The following HELZ variants were observed in gnomAD, a reference collection of about 807,000 sequenced individuals.
The protein encoded by HELZ is ATP-dependent RNA helicase with zinc finger domain.
Under a neutral mutation model 218.2 loss-of-function variants are expected in HELZ, and 23 were observed. The observed-to-expected ratio is 0.11, with a 90% confidence interval of 0.08 to 0.15. The LOEUF (loss-of-function observed/expected upper bound fraction) is 0.15, where lower values mean the gene tolerates loss of function less well. HELZ is among the 10% of genes least tolerant of loss of function. The probability of loss-of-function intolerance (pLI) is 1.00; values close to 1 mark genes in which losing one functional copy is unlikely to be tolerated. For synonymous variants in HELZ, 814 were observed against 829.4 expected (o/e 0.98, Z 0.32); for missense variants, 1,813 against 2,353.7 (o/e 0.77, Z 4.75).
chr17:67,133,148 T>G (rs192336016), intron 23 of HELZ, among the ~76,000 whole-genome samples: 42 of 151,180 alleles, frequency 2.8e-4, no homozygotes, highest in African/African-American at 8.7e-4. Flanking sequence ...GAAATGTATG[T>G]TTTTTTTTCA....
intron 12 of HELZ, among the ~76,000 whole-genome samples, chr17:67,184,943 G>C (rs937382066): frequency 1.3e-5 from 2 of 151,736 alleles, no homozygotes; most frequent in African/African-American, 4.8e-5. Context: ...TAATATTTTC[G>C]AAACCATATG....
At chr17:67,152,935 G>C (rs1427542606) in intron 17 of HELZ, among the ~76,000 whole-genome samples, 1 of 152,074 alleles carries the variant, frequency 6.6e-6, no homozygotes, top group Non-Finnish European at 1.5e-5. Context: ...ATAGAAATAG[G>C]AGTAACTGTG....
At chr17:67,093,343 G>GAAATAAAGA (rs1160007165) in intron 31 of HELZ, among the ~76,000 whole-genome samples, 1 of 151,878 alleles carries the variant, frequency 6.6e-6, no homozygotes, top group African/African-American at 2.4e-5. Flanking sequence ...AGTATGACAG[G>GAAATAAAGA]AAATAAAGAT....
intron 23 of HELZ, among the ~76,000 whole-genome samples, chr17:67,131,199 T>A (rs2037972354): frequency 6.6e-6 from 1 of 152,202 alleles, no homozygotes. Context: ...CTAGCTCAAT[T>A]TTTAATATCA....
At position 67,166,608 on chromosome 17, in the gene HELZ, C is replaced by A; in HGVS notation, c.1765G>T (p.Val589Phe). 1 of 1,613,056 alleles carries A rather than the reference C, an allele frequency of 6.2e-7. No homozygotes were observed. Among genetic ancestry groups the A allele is most frequent in the Non-Finnish European group, 8.5e-7 (1 of 1,179,316 alleles). ...CGATTTAATTGAAACTGAAGTTCAA[C>A]CTGAAAGACAAAATGAATGTTTTAA... ...LNLRPDCDTQ[V>F]ELQFQLNRLP... is the part of the protein sequence containing the mutation. Residue 589 changes from valine to phenylalanine, a missense_variant and splice_region_variant, in exon 15 of 33, where the codon GTT becomes TTT. Coordinates refer to ENST00000358691, the MANE Select transcript of HELZ (RefSeq NM_014877.4).
At chr17:67,151,358 C>CCTG in intron 17 of HELZ, 134 bp from the exon 18 acceptor site, 2 of 697,766 alleles carry the variant, frequency 2.9e-6, no homozygotes, top group East Asian at 2.8e-5. Flanking sequence ...ACCGTTAGCA[C>CCTG]TCTATTGAAT....
chr17:67,193,435 AG>A (rs1268779317), intron 9 of HELZ, among the ~76,000 whole-genome samples: 2 of 152,030 alleles, frequency 1.3e-5, no homozygotes, highest in East Asian at 3.9e-4. Flanking sequence ...AAGACTACTG[AG>A]GCCAGGCACA....
chr17:67,124,629 A>T (rs1419200414), intron 24 of HELZ, among the ~76,000 whole-genome samples: 2 of 152,208 alleles, frequency 1.3e-5, no homozygotes, highest in Non-Finnish European at 2.9e-5. Flanking sequence ...TCAAAAATGT[A>T]CATACGTTAA....
chr17:67,209,427 G>A (rs965817159), intron 5 of HELZ, among the ~76,000 whole-genome samples: 6 of 151,932 alleles, frequency 3.9e-5, no homozygotes, highest in Admixed American at 6.6e-5. Context: ...GTGAAACCCC[G>A]TCACTACTAA....
intron 24 of HELZ, among the ~76,000 whole-genome samples, chr17:67,126,953 TG>T (rs1452307029): frequency 6.6e-6 from 1 of 152,238 alleles, no homozygotes; most frequent in Non-Finnish European, 1.5e-5. Context: ...GGGAGTCTTT[TG>T]TAAAAGCTCT....
chr17:67,104,440 A>G (rs1481483548), intron 31 of HELZ, among the ~76,000 whole-genome samples: 1 of 150,864 alleles, frequency 6.6e-6, no homozygotes, highest in Non-Finnish European at 1.5e-5. Context: ...CGCCATTTCA[A>G]AAAAAAAAAC....
At position 67,191,685 on chromosome 17, in the gene HELZ, C is replaced by CA. The variant is rs568262183; in HGVS notation, c.558-1331dup. On this transcript the variant is annotated intron_variant, in intron 9 of 32. Coordinates refer to ENST00000358691, the MANE Select transcript of HELZ (RefSeq NM_014877.4). ...CAGGCTGGTCTCGAACTCCTGACCTCAAGTGATCCACCTGCCTTGGCCTCC... is the reference window on the plus strand; with the variant it reads ...CAGGCTGGTCTCGAACTCCTGACCTCAAAGTGATCCACCTGCCTTGGCCTCC... Among the ~76,000 whole-genome samples, 63 of 149,902 alleles carry CA rather than the reference C, an allele frequency of 4.2e-4. 1 individual carries two copies. The East Asian group carries it at 0.011, about 26-fold the overall frequency.
Position 67,130,411 on chromosome 17 carries a change from T to A in HELZ, c.3183-1556A>T, listed in dbSNP as rs545165662. Among the ~76,000 whole-genome samples the A allele has an allele frequency of 1.6e-3, 249 of 152,112 alleles. 4 individuals carry two copies. The highest frequency in any genetic ancestry group is 6.8e-3 in the Middle Eastern group (2 of 294). ...AATAAGCAAATGGGTTCAGAAAAAA[T>A]TTTAGACCTATATGTAAACAACAGA... On this transcript the variant is annotated intron_variant, in intron 23 of 32. Coordinates refer to ENST00000358691, the MANE Select transcript of HELZ (RefSeq NM_014877.4).
chr17:67,107,834 A>G, intron 30 of HELZ, 149 bp from the exon 31 acceptor site: 2 of 676,246 alleles, frequency 3.0e-6, no homozygotes, highest in Non-Finnish European at 5.0e-6. Context: ...GTAAGCATTA[A>G]CACTCAATAG....
chr17:67,225,073 C>A, intron 3 of HELZ: 4 of 556,306 alleles, frequency 7.2e-6, no homozygotes, highest in South Asian at 7.0e-5. Flanking sequence ...ACAATAAAAT[C>A]TTGAGTTTAT....
intron 17 of HELZ, among the ~76,000 whole-genome samples, chr17:67,154,178 A>G (rs1386133728): frequency 6.6e-6 from 1 of 152,254 alleles, no homozygotes; most frequent in Non-Finnish European, 1.5e-5. Context: ...CTATAATCCA[A>G]GCACTTTGGA....
At chr17:67,138,760 AG>A (rs1260170928) in intron 21 of HELZ, among the ~76,000 whole-genome samples, 1 of 152,198 alleles carries the variant, frequency 6.6e-6, no homozygotes, top group Non-Finnish European at 1.5e-5. Flanking sequence ...GCAATGCCAC[AG>A]TTTATGCAAC....
chr17:67,182,094 T>A (rs1351772638), intron 12 of HELZ, among the ~76,000 whole-genome samples: 1 of 152,176 alleles, frequency 6.6e-6, no homozygotes, highest in Non-Finnish European at 1.5e-5. Context: ...AGCCAGTGCA[T>A]CCTTGGCATG....
chr17:67,142,379 C>T (rs1166331538), intron 21 of HELZ, among the ~76,000 whole-genome samples: 3 of 151,972 alleles, frequency 2.0e-5, no homozygotes, highest in Admixed American at 6.6e-5. Flanking sequence ...TTGTGGCATG[C>T]ATCTGTAGTC....
Sources: gnomAD v4.1 joint callset for allele counts (sites outside exome capture counted in the v4.1 genomes callset) on GRCh38, gnomAD v4.1.1 for gene constraint, MANE v1.5 for transcripts, NCBI Gene and HGNC (gene_info 2026-07-23, HGNC 2026-07-21) for gene names.